The following ROBO1 variants were observed in gnomAD, a reference collection of about 807,000 sequenced individuals.
The protein encoded by ROBO1 is roundabout guidance receptor 1, also known as roundabout homolog 1.
ROBO1 carries 149 observed loss-of-function variants against 195.9 expected under a neutral mutation model. That is an observed-to-expected ratio of 0.76 (90% CI 0.67 to 0.87). The LOEUF (loss-of-function observed/expected upper bound fraction) is 0.87, where lower values mean the gene tolerates loss of function less well. Ranked by LOEUF, ROBO1 falls within the 40% of genes least tolerant of loss-of-function variation. The probability of loss-of-function intolerance (pLI) is 0.00; values close to 1 mark genes in which losing one functional copy is unlikely to be tolerated. For missense variants in ROBO1, 1,933 were observed against 2,068.3 expected, an observed-to-expected ratio of 0.93 and a Z score of 1.27; for synonymous variants, 816 against 733.2, an observed-to-expected ratio of 1.11 and a Z score of -1.82.
At chr3:78,966,033 T>C (rs2076636639) in intron 3 of ROBO1, among the ~76,000 whole-genome samples, 1 of 152,200 alleles carries the variant, frequency 6.6e-6, no homozygotes, top group Non-Finnish European at 1.5e-5. Context: ...CATTAGCCCC[T>C]GAGCTCCATC....
intron 4 of ROBO1, among the ~76,000 whole-genome samples, chr3:78,933,882 A>G (rs1256307241): frequency 1.3e-5 from 2 of 152,008 alleles, no homozygotes; most frequent in East Asian, 3.9e-4. Flanking sequence ...TAAAGTGTCA[A>G]TTTCCCACAT....
intron 3 of ROBO1, among the ~76,000 whole-genome samples, chr3:78,960,785 C>CACACACAA (rs1553775910): frequency 2.5e-5 from 1 of 40,330 alleles, no homozygotes; most frequent in African/African-American, 1.0e-4. Context: ...TTAAAACACA[C>CACACACAA]ACACACACAC....
At chr3:79,575,308 A>AAT (rs1340026015) in intron 2 of ROBO1, among the ~76,000 whole-genome samples, 7 of 122,858 alleles carry the variant, frequency 5.7e-5, no homozygotes, top group African/African-American at 9.7e-5. Flanking sequence ...AATATATATA[A>AAT]ATATATATAT....
rs183742963 is a variant in ROBO1, at chr3:79,426,410, G to A, written c.88+163414C>T. On this transcript the variant is annotated intron_variant, in intron 2 of 30. Transcript: ENST00000464233. ...GTTTGAGATGGAGTCTTGCTCTGTC[G>A]CCCAGGCTGGAGCACACTGGTGTGA... is the stretch of plus-strand genomic sequence containing the variant. Among the ~76,000 whole-genome samples the A allele has an allele frequency of 8.4e-4, 127 of 151,780 alleles. 1 individual carries two copies. Among genetic ancestry groups the A allele is most frequent in the African/African-American group, 2.8e-3 (114 of 41,370 alleles).
intron 2 of ROBO1, among the ~76,000 whole-genome samples, chr3:79,339,117 A>G (rs1284140932): frequency 6.6e-6 from 1 of 152,114 alleles, no homozygotes; most frequent in African/African-American, 2.4e-5. Context: ...CACACTTTCT[A>G]TTGCCAGCCC....
At chr3:78,990,094 T>G (rs1049261338) in intron 3 of ROBO1, among the ~76,000 whole-genome samples, 2 of 152,142 alleles carry the variant, frequency 1.3e-5, no homozygotes, top group Non-Finnish European at 2.9e-5. Context: ...CAACATTAGA[T>G]TTCTCTTTTA....
intron 2 of ROBO1, among the ~76,000 whole-genome samples, chr3:79,536,020 A>T (rs1310019461): frequency 6.6e-6 from 1 of 152,120 alleles, no homozygotes; most frequent in Non-Finnish European, 1.5e-5. Context: ...TTAACAATAC[A>T]TCTTGGAGAT....
chr3:79,482,186 T>C (rs1171757280), intron 2 of ROBO1, among the ~76,000 whole-genome samples: 1 of 152,214 alleles, frequency 6.6e-6, no homozygotes, highest in African/African-American at 2.4e-5. Context: ...TCATTACTTA[T>C]TTTGGATAAT....
intron 1 of ROBO1, among the ~76,000 whole-genome samples, chr3:79,611,195 T>A (rs1311978697): frequency 1.4e-5 from 2 of 138,296 alleles, no homozygotes; most frequent in South Asian, 2.2e-4. Flanking sequence ...TAGGCATCTT[T>A]TAATAGAAAA....
intron 29 of ROBO1, among the ~76,000 whole-genome samples, chr3:78,602,200 G>A (rs905492122): frequency 1.1e-4 from 16 of 151,998 alleles, no homozygotes; most frequent in African/African-American, 3.1e-4. Flanking sequence ...CTCATGGATC[G>A]CTTGGGCCAT....
intron 2 of ROBO1, among the ~76,000 whole-genome samples, chr3:79,366,807 G>A (rs1051982500): frequency 2.0e-5 from 3 of 152,128 alleles, no homozygotes; most frequent in Admixed American, 2.0e-4. Context: ...TCCTTGTAAG[G>A]TAGTTCAGTT....
intron 2 of ROBO1, among the ~76,000 whole-genome samples, chr3:79,310,423 A>C (rs1226946847): frequency 6.6e-6 from 1 of 152,218 alleles, no homozygotes; most frequent in Non-Finnish European, 1.5e-5. Context: ...TATCACTGGC[A>C]GTTGAATAAA....
chr3:79,710,724 C>T (rs1178996575), intron 1 of ROBO1, among the ~76,000 whole-genome samples: 1 of 151,974 alleles, frequency 6.6e-6, no homozygotes, highest in Admixed American at 6.6e-5. Context: ...GAGAATGAAA[C>T]CAAAAACTAG....
intron 3 of ROBO1, among the ~76,000 whole-genome samples, chr3:79,121,993 T>G (rs1484705863): frequency 1.3e-5 from 2 of 152,058 alleles, no homozygotes; most frequent in Non-Finnish European, 2.9e-5. Flanking sequence ...TATACGTATA[T>G]TTCAGAAATT....
At chr3:78,858,827 G>A (rs2106955181) in intron 4 of ROBO1, among the ~76,000 whole-genome samples, 1 of 148,698 alleles carries the variant, frequency 6.7e-6, no homozygotes, top group East Asian at 2.0e-4. Flanking sequence ...AGCCTGAAAT[G>A]AGAGTAGGTG....
chr3:78,912,354 T>C (rs2038295671), intron 4 of ROBO1, among the ~76,000 whole-genome samples: 1 of 152,086 alleles, frequency 6.6e-6, no homozygotes, highest in African/African-American at 2.4e-5. Context: ...AAAAGATGGC[T>C]TCGGCTTACA....
rs567669954 is a variant in ROBO1 at position 79,546,073 on chromosome 3, T to C, written c.88+43751A>G. On this transcript the variant is annotated intron_variant, in intron 2 of 30. Coordinates refer to ENST00000464233, the MANE Select transcript of ROBO1 (RefSeq NM_002941.4). ...GACCTTTATTATGATCCACTTCCAC[T>C]TAATGTATAGTAAATATTTTTCTTA... 3.2e-3 allele frequency among the ~76,000 whole-genome samples: 490 copies of C among 152,202 alleles called. 2 individuals are homozygous for C. Among genetic ancestry groups the C allele is most frequent in the African/African-American group, 0.011 (440 of 41,528 alleles).
At chr3:79,759,917 G>C (rs1222168179) in intron 1 of ROBO1, among the ~76,000 whole-genome samples, 2 of 152,010 alleles carry the variant, frequency 1.3e-5, no homozygotes, top group Non-Finnish European at 2.9e-5. Flanking sequence ...ATCAATTCCA[G>C]GTAGATCAAA....
At chr3:79,731,714 T>C (rs1703155044) in intron 1 of ROBO1, among the ~76,000 whole-genome samples, 1 of 152,184 alleles carries the variant, frequency 6.6e-6, no homozygotes, top group South Asian at 2.1e-4. Context: ...GAGAATATAA[T>C]ACAGATGAAG....
Sources: allele counts gnomAD v4.1 joint callset (sites outside exome capture counted in the v4.1 genomes callset), GRCh38; gene constraint gnomAD v4.1.1; transcripts MANE v1.5; gene names NCBI Gene and HGNC (gene_info 2026-07-23, HGNC 2026-07-21).